The following GLCE variants were observed in gnomAD, a reference collection of about 807,000 sequenced individuals.
GLCE encodes the protein D-glucuronyl C5-epimerase.
In GLCE, 19 loss-of-function variants were observed where a neutral mutation model predicts 47.9. That is an observed-to-expected ratio of 0.40 (90% CI 0.28 to 0.58). GLCE has a LOEUF of 0.58. GLCE is among the 20% of genes least tolerant of loss of function. GLCE has a pLI of 0.48. For synonymous variants in GLCE, 245 were observed against 263.4 expected, an observed-to-expected ratio of 0.93 and a Z score of 0.68; for missense variants, 556 against 743.3, an observed-to-expected ratio of 0.75 and a Z score of 2.93.
At chr15:69,174,428 G>A (rs1052876702) in intron 1 of GLCE, among the ~76,000 whole-genome samples, 1 of 152,022 alleles carries the variant, frequency 6.6e-6, no homozygotes, top group African/African-American at 2.4e-5. Context: ...TGGCCTACAT[G>A]GTGAAACCCC....
chr15:69,181,508 G>A (rs2051748450), intron 1 of GLCE, among the ~76,000 whole-genome samples: 1 of 152,196 alleles, frequency 6.6e-6, no homozygotes, highest in Admixed American at 6.5e-5. Flanking sequence ...AATGAAGAAA[G>A]TGTTTTGAGA....
chr15:69,187,443 G>A (rs1347663431), intron 1 of GLCE, among the ~76,000 whole-genome samples: 1 of 152,064 alleles, frequency 6.6e-6, no homozygotes. Flanking sequence ...GAGTATTATT[G>A]TCCCCATTTT....
In GLCE at chr15:69,197,037, C is replaced by G. The variant is rs184461224; in HGVS notation, c.-104-13279C>G. ...CTGATCCACTACAGCTTTCTGAGTT[C>G]CAGCAAAACCATTACATCTGAGAAG... is the stretch of plus-strand genomic sequence containing the variant. On this transcript the variant is annotated intron_variant, in intron 1 of 4. Transcript: ENST00000261858. 7.2e-5 allele frequency: 23 copies of G among 320,674 alleles called. No homozygotes were observed. In the East Asian group the frequency reaches 1.9e-3, roughly 27 times the overall value. 19.9% of individuals were successfully genotyped at this position (320,674 alleles called of 1,614,324 possible). A position where few individuals can be genotyped will look rare whatever the true frequency, so the allele number is the denominator to read the frequency against.
chr15:69,168,982 T>G (rs2140326749), intron 1 of GLCE, among the ~76,000 whole-genome samples: 2 of 152,320 alleles, frequency 1.3e-5, no homozygotes, highest in South Asian at 4.1e-4. Context: ...TCCAGGACCT[T>G]GAAAGCTTCC....
chr15:69,254,404 A>C (rs1457851222), intron 2 of GLCE, among the ~76,000 whole-genome samples: 1 of 152,184 alleles, frequency 6.6e-6, no homozygotes, highest in Admixed American at 6.6e-5. Context: ...GAATGACATG[A>C]TCTGACTTAA....
intron 2 of GLCE, among the ~76,000 whole-genome samples, chr15:69,252,782 A>T (rs984825416): frequency 6.6e-6 from 1 of 152,170 alleles, no homozygotes; most frequent in Non-Finnish European, 1.5e-5. Flanking sequence ...TTTAAAAAAA[A>T]AAATAAACAC....
chr15:69,251,058 C>T (rs181228968), intron 2 of GLCE, among the ~76,000 whole-genome samples: 4 of 152,128 alleles, frequency 2.6e-5, no homozygotes, highest in African/African-American at 9.7e-5. Context: ...ACAGCCCCCT[C>T]CTTTTTTATT....
At chr15:69,189,972 C>T (rs1217308590) in intron 1 of GLCE, among the ~76,000 whole-genome samples, 1 of 152,038 alleles carries the variant, frequency 6.6e-6, no homozygotes, top group African/African-American at 2.4e-5. Flanking sequence ...CTCCCTCATC[C>T]CACTCTCCAC....
At chr15:69,179,342 G>T (rs1176836243) in intron 1 of GLCE, among the ~76,000 whole-genome samples, 1 of 152,122 alleles carries the variant, frequency 6.6e-6, no homozygotes, top group Admixed American at 6.5e-5. Context: ...GTGCAGAGAG[G>T]TACCATATAC....
At chr15:69,171,390 G>T (rs1055176930) in intron 1 of GLCE, among the ~76,000 whole-genome samples, 1 of 150,978 alleles carries the variant, frequency 6.6e-6, no homozygotes, top group African/African-American at 2.4e-5. Flanking sequence ...TTTACTTTTG[G>T]GATATATTCT....
chr15:69,259,130 A>G (rs1206217955), intron 3 of GLCE, among the ~76,000 whole-genome samples: 4 of 152,162 alleles, frequency 2.6e-5, no homozygotes, highest in African/African-American at 9.7e-5. Context: ...TCTCTCTTTA[A>G]CAACTAGTGA....
At chr15:69,237,537 G>T (rs1227409883) in intron 2 of GLCE, among the ~76,000 whole-genome samples, 1 of 152,026 alleles carries the variant, frequency 6.6e-6, no homozygotes, top group East Asian at 1.9e-4. Flanking sequence ...GGCAGAGGTT[G>T]CAGTGAGCCG....
At chr15:69,249,397 A>G (rs1477165503) in intron 2 of GLCE, among the ~76,000 whole-genome samples, 1 of 152,212 alleles carries the variant, frequency 6.6e-6, no homozygotes, top group Non-Finnish European at 1.5e-5. Flanking sequence ...CTTTAGAGAC[A>G]TGGATAATGC....
chr15:69,255,482 A>G (rs2052907971), intron 2 of GLCE, among the ~76,000 whole-genome samples: 1 of 152,078 alleles, frequency 6.6e-6, no homozygotes. Flanking sequence ...GCATACTCAA[A>G]CTGTATTAGG....
chr15:69,259,222 T>A (rs932529975), intron 3 of GLCE, among the ~76,000 whole-genome samples: 3 of 152,236 alleles, frequency 2.0e-5, no homozygotes, highest in Non-Finnish European at 4.4e-5. Context: ...TGGAGTTTTT[T>A]AAAAATGTAT....
At chr15:69,239,769 C>T (rs2052641685) in intron 2 of GLCE, among the ~76,000 whole-genome samples, 2 of 151,950 alleles carry the variant, frequency 1.3e-5, no homozygotes, top group African/African-American at 2.4e-5. Flanking sequence ...GACTAGGGAG[C>T]CAATTCATTA....
chr15:69,228,058 G>T (rs2052473599), intron 2 of GLCE, among the ~76,000 whole-genome samples: 2 of 152,148 alleles, frequency 1.3e-5, no homozygotes, highest in South Asian at 4.1e-4. Flanking sequence ...AGTAGAGAAA[G>T]CTAGGAGGAA....
intron 1 of GLCE, among the ~76,000 whole-genome samples, chr15:69,169,674 G>A (rs1339407981): frequency 6.6e-6 from 1 of 151,772 alleles, no homozygotes; most frequent in Non-Finnish European, 1.5e-5. Flanking sequence ...ATAGTTTGCT[G>A]ATAATGATGG....
At chr15:69,210,447 C>T (rs555969922) in intron 2 of GLCE, 41 bp downstream of exon 2, 22 of 152,062 alleles carry the variant, frequency 1.4e-4, no homozygotes, top group African/African-American at 4.6e-4. Context: ...CTTTACTGTA[C>T]GTTTTCAGTG....
Sources: allele counts gnomAD v4.1 joint callset (sites outside exome capture counted in the v4.1 genomes callset), GRCh38; gene constraint gnomAD v4.1.1; transcripts MANE v1.5; gene names NCBI Gene and HGNC (gene_info 2026-07-23, HGNC 2026-07-21).